Variants in SCART1 observed in about 807,000 individuals in gnomAD.
The protein encoded by SCART1 is scavenger receptor family member expressed on T cells 1.
In SCART1, 62 loss-of-function variants were observed where a neutral mutation model predicts 36.2. The ratio of observed to expected loss-of-function variants is 1.71; its 90% CI spans 1.40 to 2.12. SCART1 has a LOEUF of 2.12. Among genes scored for constraint, SCART1 ranks in the 30% most tolerant of loss-of-function variants. The pLI is 0.00. For missense variants in SCART1, 1,041 were observed against 540.5 expected (o/e 1.93, Z -9.18); for synonymous variants, 487 against 238.7 (o/e 2.04, Z -9.59).
chr10:133,456,767 G>A (rs979615041), intron 2 of SCART1, among the ~76,000 whole-genome samples: 1 of 152,164 alleles, frequency 6.6e-6, no homozygotes, highest in African/African-American at 2.4e-5. Context: ...AAAAACCAAC[G>A]CCAGGGAGAG....
chr10:133,454,131 C>T (rs781389297), intron 1 of SCART1, 67 bp downstream of exon 1: 50 of 701,278 alleles, frequency 7.1e-5, no homozygotes, highest in Non-Finnish European at 1.0e-4. Flanking sequence ...GCCCAGGCCC[C>T]GGGGCATGAG....
chr10:133,455,344 G>A (rs974465554), intron 1 of SCART1, among the ~76,000 whole-genome samples: 2 of 152,150 alleles, frequency 1.3e-5, no homozygotes, highest in African/African-American at 2.4e-5. Flanking sequence ...TGAGGAGGCT[G>A]GGGGGTGTGG....
At chr10:133,458,710 A>C (rs564248302) in intron 4 of SCART1, 54 bp downstream of exon 4, 6 of 694,788 alleles carry the variant, frequency 8.6e-6, no homozygotes, top group South Asian at 3.0e-5. Flanking sequence ...TTCTCTGTCA[A>C]ATCCCTTCGT....
Position 133,460,496 on chromosome 10 carries a change from A to ATATATATATATATATATATATATT in SCART1, c.1969+327_1969+328insATATATATATATATATATATATTT. Reference sequence around the variant, plus strand: ...CATATATATATATATATATTTATATATTTTAAAAAATATTTTATATTTATT... The same window carrying ATATATATATATATATATATATATT: ...CATATATATATATATATATTTATATATATATATATATATATATATATATTTTTTAAAAAATATTTTATATTTATT... On this transcript the variant is annotated intron_variant, in intron 6 of 11. Coordinates refer to ENST00000640237, the Ensembl canonical transcript of SCART1. Among the ~76,000 whole-genome samples the ATATATATATATATATATATATATT allele has an allele frequency of 2.9e-5, 4 of 136,004 alleles. No individual in the cohort carries two copies. In the South Asian group the frequency reaches 8.2e-4, roughly 28 times the overall value. The allele number at this position is 136,004 out of a possible 152,430, so 89.2% of individuals were successfully genotyped here. A position where few individuals can be genotyped will look rare whatever the true frequency, so the allele number is the denominator to read the frequency against.
Position 133,464,837 on chromosome 10 carries a change from AG to A in SCART1, c.2203del (p.Ala735LeufsTer190), listed in dbSNP as rs1332295741. Reference sequence around the variant, plus strand: ...CTGGGTGGACAACATCGAGTGCCGCAGGCTGCCCAACTCCACTCTGTGGCAA... The same window carrying A: ...CTGGGTGGACAACATCGAGTGCCGCAGCTGCCCAACTCCACTCTGTGGCAA... On this transcript the variant is annotated frameshift_variant, in exon 7 of 12. Coordinates refer to ENST00000640237, the Ensembl canonical transcript of SCART1. LOFTEE classifies it high-confidence loss of function. 1.4e-6 allele frequency: 1 copy of A among 702,744 alleles called. No individual in the cohort carries two copies. The highest frequency in any genetic ancestry group is 2.6e-6 in the Non-Finnish European group (1 of 384,990). The allele number at this position is 702,744 out of a possible 1,614,324, so 43.5% of individuals were successfully genotyped here.
chr10:133,466,474 G>A (rs1850767501), intron 10 of SCART1, 93 bp downstream of exon 10: 6 of 645,736 alleles, frequency 9.3e-6, no homozygotes, highest in Non-Finnish European at 1.7e-5. Context: ...GGGCAGGCGG[G>A]GTGCCCCACA....
At position 133,458,985 on chromosome 10, in the gene SCART1, C is replaced by G. The variant is rs773963478; in HGVS notation, c.980-36C>G. ...ACAGACAGCCATGTTCTGGGTCGGC[C>G]GTCTGCAAGCCAGGCTGACTCCTCC... On this transcript the variant is annotated intron_variant, in intron 4 of 11. Transcript: ENST00000640237. 1.5e-4 allele frequency: 99 copies of G among 646,816 alleles called. 1 individual carries two copies. Among genetic ancestry groups the G allele is most frequent in the South Asian group, 1.1e-3 (66 of 58,282 alleles). The allele number at this position is 646,816 out of a possible 1,614,324, so 40.1% of individuals were successfully genotyped here.
chr10:133,459,932 G>T, exon 6 of SCART1: 1 of 542,898 alleles, frequency 1.8e-6, no homozygotes, highest in East Asian at 3.4e-5. Context: ...GGGGCGCGTG[G>T]GGCACCGTGT....
At chr10:133,457,600 A>G in intron 3 of SCART1, 25 bp downstream of exon 3, 1 of 668,294 alleles carries the variant, frequency 1.5e-6, no homozygotes, top group Non-Finnish European at 2.7e-6. Flanking sequence ...TGATGTTCCC[A>G]GTGACCCTTG....
intron 4 of SCART1, 127 bp downstream of exon 4, chr10:133,458,783 AAG>A (rs1850655163): frequency 1.5e-6 from 1 of 672,206 alleles, no homozygotes; most frequent in Non-Finnish European, 2.6e-6. Context: ...TGTTGGTTGA[AAG>A]AAGCGCAGGG....
At chr10:133,466,494 C>A in intron 10 of SCART1, 113 bp downstream of exon 10, 1 of 605,414 alleles carries the variant, frequency 1.7e-6, no homozygotes. Context: ...AGCAGTCAGG[C>A]CTATGCAGAC....
intron 6 of SCART1, among the ~76,000 whole-genome samples, chr10:133,460,447 C>T (rs899307320): frequency 7.1e-6 from 1 of 141,638 alleles, no homozygotes; most frequent in Non-Finnish European, 1.5e-5. Context: ...AGCTCAAGTG[C>T]GCTTGAAGTT....
At chr10:133,456,542 G>A (rs751601889) in exon 2 of SCART1, 25 of 665,696 alleles carry the variant, frequency 3.8e-5, no homozygotes, top group Middle Eastern at 2.7e-4. Context: ...GGTGGTGGTC[G>A]CGCTGTGCTC....
At chr10:133,465,362 A>G (rs1193546206) in exon 9 of SCART1, 10 of 679,432 alleles carry the variant, frequency 1.5e-5, no homozygotes, top group Admixed American at 6.4e-5. Context: ...GACCTGGCGG[A>G]CGCGGAGGTC....
At chr10:133,465,995 TG>T in intron 9 of SCART1, 1 of 671,772 alleles carries the variant, frequency 1.5e-6, no homozygotes, top group East Asian at 2.8e-5. Context: ...GGCATCTGCC[TG>T]GGGGCCATGT....
At chr10:133,466,816 C>G (rs1291694104) in intron 10 of SCART1, among the ~76,000 whole-genome samples, 1 of 152,226 alleles carries the variant, frequency 6.6e-6, no homozygotes, top group Non-Finnish European at 1.5e-5. Context: ...CAGAAGTCAA[C>G]ACGGTGGATC....
At chr10:133,454,889 G>A (rs1474369554) in intron 1 of SCART1, among the ~76,000 whole-genome samples, 2 of 152,156 alleles carry the variant, frequency 1.3e-5, no homozygotes, top group Non-Finnish European at 2.9e-5. Flanking sequence ...GGGTTGAAGG[G>A]ATTTGCTTTT....
rs142522903 is a variant in SCART1 at position 133,463,448 on chromosome 10, C to G, written c.1970-1158C>G. ...TGTGTACCCTTTGACCTACATCTCC[C>G]CATTCCCCCACCACCTGCCCCTGGT... On this transcript the variant is annotated intron_variant, in intron 6 of 11. Coordinates refer to ENST00000640237, the Ensembl canonical transcript of SCART1. Among the ~76,000 whole-genome samples, 404 of 151,824 alleles carry G rather than the reference C, an allele frequency of 2.7e-3. No homozygotes were observed. The Middle Eastern group carries it at 0.028, about 10-fold the overall frequency.
At position 133,459,387 on chromosome 10, in the gene SCART1, A is replaced by G; in HGVS notation, c.1285+61A>G. 8.1e-6 allele frequency: 5 copies of G among 614,812 alleles called. No individual in the cohort carries two copies. In the Middle Eastern group the frequency reaches 1.1e-3, roughly 134 times the overall value. 38.1% of individuals were successfully genotyped at this position (614,812 alleles called of 1,614,324 possible). ...GTGAGAGGCATGGACAGAGGAGTGC[A>G]AGGAAGGACAGAGGGGGCGGAGAGG... On this transcript the variant is annotated intron_variant, in intron 5 of 11. Transcript: ENST00000640237.
Sources: allele counts gnomAD v4.1 joint callset (sites outside exome capture counted in the v4.1 genomes callset), GRCh38; gene constraint gnomAD v4.1.1; transcripts MANE v1.5; gene names NCBI Gene and HGNC (gene_info 2026-07-23, HGNC 2026-07-21).